TRPC4AP: variants seen among roughly 807,000 people sequenced by gnomAD.
The protein encoded by TRPC4AP is short transient receptor potential channel 4-associated protein.
A neutral mutation model predicts 99.0 loss-of-function variants in TRPC4AP; 45 were observed. The observed-to-expected ratio is 0.45, with a 90% CI of 0.36 to 0.58. The LOEUF is 0.58. Among genes scored for constraint, TRPC4AP ranks in the 20% least tolerant of loss-of-function variants. TRPC4AP has a pLI of 0.00. For missense variants in TRPC4AP, 879 were observed against 985.3 expected, an observed-to-expected ratio of 0.89 and a Z score of 1.44; for synonymous variants, 408 against 385.8, an observed-to-expected ratio of 1.06 and a Z score of -0.67.
chr20:35,089,395 G>A (rs1366206056), intron 1 of TRPC4AP, among the ~76,000 whole-genome samples: 1 of 130,312 alleles, frequency 7.7e-6, no homozygotes, highest in East Asian at 2.3e-4. Context: ...CCTGGTTAAT[G>A]TTTTTTTTTT....
At chr20:35,079,047 C>G (rs897137185) in intron 1 of TRPC4AP, among the ~76,000 whole-genome samples, 6 of 152,032 alleles carry the variant, frequency 3.9e-5, no homozygotes, top group African/African-American at 1.4e-4. Context: ...GCCTGGGCGA[C>G]AGACCAAAAC....
Position 35,008,631 on chromosome 20 carries a change from G to A in TRPC4AP, c.1595+33C>T, listed in dbSNP as rs188934194. The stretch of plus-strand genomic sequence containing the variant: ...GAGAAACACCTGGCTCTGCAGCCCC[G>A]CAGAATCGGCAGGTACTTTTCCCCA... On this transcript the variant is annotated intron_variant, in intron 13 of 18. Coordinates refer to ENST00000252015, the MANE Select transcript of TRPC4AP (RefSeq NM_015638.3). 1.8e-4 allele frequency: 284 copies of A among 1,595,936 alleles called. 1 individual carries two copies. Among genetic ancestry groups the A allele is most frequent in the Admixed American group, 3.1e-4 (18 of 58,772 alleles).
At chr20:35,025,808 G>T (rs978648814) in intron 8 of TRPC4AP, among the ~76,000 whole-genome samples, 1 of 152,104 alleles carries the variant, frequency 6.6e-6, no homozygotes, top group African/African-American at 2.4e-5. Flanking sequence ...TATTTATCTG[G>T]TTGCTTGTGC....
In TRPC4AP at chr20:35,003,002, G is replaced by A. The variant is rs1360579047; in HGVS notation, c.*144C>T. On this transcript the variant is annotated 3_prime_UTR_variant, in exon 19 of 19. Transcript: ENST00000252015. ...GACCCAGGGGGACCAAGGGCTTCTA[G>A]GACTTCCCTCCCACCAAGCCTGTAC... 4 of 1,201,970 alleles carry A rather than the reference G, an allele frequency of 3.3e-6. No homozygotes were observed. Among genetic ancestry groups the A allele is most frequent in the African/African-American group, 3.0e-5 (2 of 65,756 alleles). The allele number at this position is 1,201,970 out of a possible 1,614,324, so 74.5% of individuals were successfully genotyped here.
At chr20:35,069,102 C>T (rs943377872) in intron 3 of TRPC4AP, among the ~76,000 whole-genome samples, 194 bp downstream of exon 3, 4 of 152,184 alleles carry the variant, frequency 2.6e-5, no homozygotes, top group South Asian at 4.1e-4. Context: ...AAAAGGTATA[C>T]ACCAATTTAA....
chr20:35,023,310 CCT>C, intron 8 of TRPC4AP, among the ~76,000 whole-genome samples: 1 of 152,242 alleles, frequency 6.6e-6, no homozygotes, highest in South Asian at 2.1e-4. Context: ...CATACCTACC[CCT>C]TAATGTTGTA....
chr20:35,016,886 G>A (rs1378882712), intron 9 of TRPC4AP, among the ~76,000 whole-genome samples: 1 of 152,212 alleles, frequency 6.6e-6, no homozygotes, highest in African/African-American at 2.4e-5. Flanking sequence ...TGGGAAAGAT[G>A]ACAAAGCTTT....
Position 35,012,843 on chromosome 20 carries a change from C to T in TRPC4AP, c.1409+165G>A, listed in dbSNP as rs150195016. Among the ~76,000 whole-genome samples, 12 of 152,288 alleles carry T rather than the reference C, an allele frequency of 7.9e-5. No homozygotes were observed. In the East Asian group the frequency reaches 9.7e-4, roughly 12 times the overall value. ...CCTGCCATAAGGAAGTCTGGAAAGA[C>T]GGGAGGTCCGACTGCAGTGTCACAC... On this transcript the variant is annotated intron_variant, in intron 11 of 18. Coordinates refer to ENST00000252015, the MANE Select transcript of TRPC4AP (RefSeq NM_015638.3).
chr20:35,089,186 A>G (rs1403668656), intron 1 of TRPC4AP, among the ~76,000 whole-genome samples: 1 of 151,834 alleles, frequency 6.6e-6, no homozygotes, highest in Admixed American at 6.6e-5. Flanking sequence ...TACACTTATA[A>G]ATGGTTAAGA....
At chr20:35,088,329 G>C (rs2084944823) in intron 1 of TRPC4AP, among the ~76,000 whole-genome samples, 1 of 152,182 alleles carries the variant, frequency 6.6e-6, no homozygotes, top group Admixed American at 6.5e-5. Context: ...CCAGAGCTAG[G>C]TTTCAAACCT....
chr20:35,082,106 A>G (rs1450592124), intron 1 of TRPC4AP, among the ~76,000 whole-genome samples: 5 of 152,244 alleles, frequency 3.3e-5, no homozygotes, highest in Non-Finnish European at 7.3e-5. Context: ...AATATCTAAT[A>G]AAAACTTCAA....
At chr20:35,038,410 T>TA (rs1350945202) in intron 7 of TRPC4AP, among the ~76,000 whole-genome samples, 1 of 152,022 alleles carries the variant, frequency 6.6e-6, no homozygotes, top group Non-Finnish European at 1.5e-5. Context: ...TGTCAACACT[T>TA]ACCAATTTCC....
intron 8 of TRPC4AP, among the ~76,000 whole-genome samples, chr20:35,034,553 C>T (rs1245425845): frequency 2.0e-5 from 3 of 152,016 alleles, no homozygotes; most frequent in Admixed American, 6.6e-5. Flanking sequence ...TGGCCCCCCA[C>T]TCCCAATGAG....
chr20:35,027,574 T>C (rs2147313878), intron 8 of TRPC4AP, among the ~76,000 whole-genome samples: 1 of 152,324 alleles, frequency 6.6e-6, no homozygotes, highest in Non-Finnish European at 1.5e-5. Flanking sequence ...TTATTTTCTA[T>C]TAGAGTCTGG....
intron 4 of TRPC4AP, among the ~76,000 whole-genome samples, chr20:35,057,051 T>C (rs936131660): frequency 1.3e-5 from 2 of 148,728 alleles, no homozygotes; most frequent in African/African-American, 5.0e-5. Context: ...AAAATAATAA[T>C]AGAATATTAC....
chr20:35,015,396 A>G (rs1161850341), intron 10 of TRPC4AP, among the ~76,000 whole-genome samples: 2 of 151,104 alleles, frequency 1.3e-5, no homozygotes, highest in Non-Finnish European at 2.9e-5. Flanking sequence ...CCCTGCCTGG[A>G]GTGAAATGAG....
At chr20:35,056,668 A>G (rs1199875184) in intron 4 of TRPC4AP, among the ~76,000 whole-genome samples, 1 of 152,102 alleles carries the variant, frequency 6.6e-6, no homozygotes, top group East Asian at 1.9e-4. Flanking sequence ...AGTAAAGTGC[A>G]TTCACTTTTT....
At chr20:35,028,439 G>C (rs2083082838) in intron 8 of TRPC4AP, among the ~76,000 whole-genome samples, 1 of 151,802 alleles carries the variant, frequency 6.6e-6, no homozygotes, top group African/African-American at 2.4e-5. Flanking sequence ...TGACCCACTG[G>C]TTATTTAGAA....
chr20:35,091,169 T>C (rs1050333713), intron 1 of TRPC4AP, among the ~76,000 whole-genome samples: 18 of 151,942 alleles, frequency 1.2e-4, no homozygotes, highest in African/African-American at 3.6e-4. Context: ...GGCTAAATTT[T>C]TGGAGACACA....
Sources: allele counts gnomAD v4.1 joint callset (sites outside exome capture counted in the v4.1 genomes callset), GRCh38; gene constraint gnomAD v4.1.1; transcripts MANE v1.5; gene names NCBI Gene and HGNC (gene_info 2026-07-23, HGNC 2026-07-21).